Variants in ZNF215 observed in about 807,000 individuals in gnomAD.
ZNF215 encodes the protein BWSCR2-associated zinc finger protein 2.
A neutral mutation model predicts 27.2 loss-of-function variants in ZNF215; 24 were observed. That is an observed-to-expected ratio of 0.88 (90% confidence interval 0.64 to 1.24). ZNF215 has a LOEUF of 1.24. Ranked by LOEUF, ZNF215 falls within the 50% of genes most tolerant of loss-of-function variation. The probability of loss-of-function intolerance (pLI) is 0.00; values close to 1 mark genes in which losing one functional copy is unlikely to be tolerated. For missense variants in ZNF215, 675 were observed against 605.7 expected, an observed-to-expected ratio of 1.11 and a Z score of -1.20; for synonymous variants, 210 against 204.0, an observed-to-expected ratio of 1.03 and a Z score of -0.25.
chr11:6,982,495 A>C (rs1850976199), intron 5 of ZNF215, among the ~76,000 whole-genome samples: 1 of 152,166 alleles, frequency 6.6e-6, no homozygotes. Flanking sequence ...AAAATTGACC[A>C]CATACTTGGA....
chr11:6,941,487 A>C (rs1385552191), intron 3 of ZNF215, 84 bp from the exon 4 acceptor site: 17 of 1,179,528 alleles, frequency 1.4e-5, no homozygotes, highest in Admixed American at 9.6e-5. Flanking sequence ...ATTCCTGTGA[A>C]TATCATATTA....
downstream of ZNF215, among the ~76,000 whole-genome samples, chr11:6,987,219 G>A (rs936506373): frequency 6.6e-5 from 10 of 152,202 alleles, no homozygotes; most frequent in South Asian, 1.5e-3. Context: ...TATGTCTTTC[G>A]CAGCAACATG....
rs1451127623 is a variant in ZNF215, at chr11:6,956,684, A to T, written c.*153A>T. The T allele has an allele frequency of 1.4e-6, 2 of 1,390,196 alleles. No individual in the cohort carries two copies. Among genetic ancestry groups the T allele is most frequent in the Non-Finnish European group, 1.9e-6 (2 of 1,080,642 alleles). The allele number at this position is 1,390,196 out of a possible 1,614,324, so 86.1% of individuals were successfully genotyped here. On this transcript the variant is annotated 3_prime_UTR_variant, in exon 7 of 7. Coordinates refer to ENST00000278319, the MANE Select transcript of ZNF215 (RefSeq NM_013250.4). ...ATCACAGAATTAATGTTGGATAGAA[A>T]TATCATTGGATAGAAATCTGTTTGA...
chr11:6,992,141 G>C (rs949799751), downstream of ZNF215, among the ~76,000 whole-genome samples: 2 of 152,196 alleles, frequency 1.3e-5, no homozygotes, highest in Admixed American at 6.5e-5. Context: ...TATGTGAAGA[G>C]GGAGAAGTCC....
Position 6,951,046 on chromosome 11 carries a change from C to T in ZNF215, c.713-4644C>T, listed in dbSNP as rs543423854. Among the ~76,000 whole-genome samples, 1,327 of 152,014 alleles carry T rather than the reference C, an allele frequency of 8.7e-3. 23 individuals are homozygous for T. The highest frequency in any genetic ancestry group is 0.03 in the African/African-American group (1,235 of 41,440). ...ATGCTGGATTACATTTATTGATTTGCGTATATTGAACCAGCCTTGCATACC... is the reference window on the plus strand; with the variant it reads ...ATGCTGGATTACATTTATTGATTTGTGTATATTGAACCAGCCTTGCATACC... On this transcript the variant is annotated intron_variant, in intron 6 of 6. Transcript: ENST00000278319.
chr11:6,989,233 T>G (rs1365423864), downstream of ZNF215, among the ~76,000 whole-genome samples: 1 of 151,308 alleles, frequency 6.6e-6, no homozygotes, highest in South Asian at 2.1e-4. Context: ...TGGTAAAAAC[T>G]TTTGCACCAA....
At position 6,926,598 on chromosome 11, in the gene ZNF215, G is replaced by A. The variant is rs1849049316; in HGVS notation, c.-413G>A. 1 of 152,216 alleles carries A rather than the reference G, an allele frequency of 6.6e-6. No homozygotes were observed. Among genetic ancestry groups the A allele is most frequent in the South Asian group, 2.1e-4 (1 of 4,828 alleles). The allele number at this position is 152,216 out of a possible 1,614,324, so 9.4% of individuals were successfully genotyped here. On this transcript the variant is annotated 5_prime_UTR_variant, in exon 1 of 7. Transcript: ENST00000278319. ...TGAGTTGAGGGTTCGGCGAGGTCAGGGATTCCTAGTTGCAGCGTGATTACC... is the reference window on the plus strand; with the variant it reads ...TGAGTTGAGGGTTCGGCGAGGTCAGAGATTCCTAGTTGCAGCGTGATTACC...
At chr11:6,939,265 C>G (rs1374240707) in intron 3 of ZNF215, among the ~76,000 whole-genome samples, 5 of 152,058 alleles carry the variant, frequency 3.3e-5, no homozygotes, top group African/African-American at 9.7e-5. Flanking sequence ...AAAAGACTGT[C>G]AGGATTTGGG....
intron 6 of ZNF215, among the ~76,000 whole-genome samples, chr11:6,949,928 T>A (rs1440710048): frequency 1.3e-5 from 2 of 152,126 alleles, no homozygotes; most frequent in African/African-American, 4.8e-5. Context: ...AAGGAAGGGA[T>A]CCAGTTTCAG....
rs2307014 is a variant in ZNF215, at chr11:6,927,798, A to C, written c.-189A>C. On this transcript the variant is annotated 5_prime_UTR_variant, in exon 2 of 7. Transcript: ENST00000278319. ...CGTCTCTCCCTGTCCTAGCTCTGTA[A>C]CTGTTTACAGTGAGTAATTCATTAA... 0.39 allele frequency: 59,035 copies of C among 152,044 alleles called. 11,632 individuals carry two copies. The highest frequency in any genetic ancestry group is 0.48 in the South Asian group (2,323 of 4,826). The allele number at this position is 152,044 out of a possible 1,614,324, so 9.4% of individuals were successfully genotyped here.
chr11:6,933,680 A>T (rs992540314), intron 3 of ZNF215, among the ~76,000 whole-genome samples: 5 of 151,860 alleles, frequency 3.3e-5, no homozygotes, highest in Non-Finnish European at 4.4e-5. Flanking sequence ...CTGTAGTCCC[A>T]GCTACTAGGG....
intron 5 of ZNF215, among the ~76,000 whole-genome samples, chr11:6,973,386 A>G (rs1392629385): frequency 6.6e-6 from 1 of 152,148 alleles, no homozygotes; most frequent in Non-Finnish European, 1.5e-5. Context: ...TAGCAGCATG[A>G]TTTATAATCC....
At chr11:6,994,291 T>C (rs1590094872) in intron 6 of ZNF215, among the ~76,000 whole-genome samples, 2 of 152,166 alleles carry the variant, frequency 1.3e-5, no homozygotes, top group South Asian at 4.1e-4. Context: ...AAGAAGCTCA[T>C]AGGAATCTTA....
chr11:6,994,247 T>C (rs1851152987), intron 6 of ZNF215, among the ~76,000 whole-genome samples: 2 of 151,532 alleles, frequency 1.3e-5, no homozygotes, highest in Non-Finnish European at 2.9e-5. Flanking sequence ...TAAAGGCAAA[T>C]TATGTATTGA....
At position 6,926,899 on chromosome 11, in the gene ZNF215, C is replaced by CGGGA; in HGVS notation, c.-326+219_-326+222dup. The CGGGA allele has an allele frequency of 1.7e-5, 2 of 120,748 alleles. 1 individual carries two copies. Among genetic ancestry groups the CGGGA allele is most frequent in the South Asian group, 5.7e-4 (2 of 3,484 alleles). 7.5% of individuals were successfully genotyped at this position (120,748 alleles called of 1,614,324 possible). On this transcript the variant is annotated intron_variant, in intron 1 of 6. Coordinates refer to ENST00000278319, the MANE Select transcript of ZNF215 (RefSeq NM_013250.4). Reference sequence around the variant, plus strand: ...AAACCTGGAGGAGGGCGCGAGCTGACGGGAGGGATGGAAACGTGGGCTGCG... The same window carrying CGGGA: ...AAACCTGGAGGAGGGCGCGAGCTGACGGGAGGGAGGGATGGAAACGTGGGCTGCG...
At chr11:6,942,575 C>T (rs1238408362) in intron 4 of ZNF215, among the ~76,000 whole-genome samples, 5 of 152,074 alleles carry the variant, frequency 3.3e-5, no homozygotes, top group Non-Finnish European at 5.9e-5. Context: ...GGCAGTCAGG[C>T]AATCTTGCCC....
Position 6,943,066 on chromosome 11 carries a change from G to T in ZNF215, c.484-17G>T. On this transcript the variant is annotated splice_polypyrimidine_tract_variant and intron_variant, in intron 4 of 6. Transcript: ENST00000278319. Reference sequence around the variant, plus strand: ...GGGGAGTGACACCTTTGATTAAAAAGGAACTTAATGTTTTAGGAACCAGTG... The same window carrying T: ...GGGGAGTGACACCTTTGATTAAAAATGAACTTAATGTTTTAGGAACCAGTG... The T allele has an allele frequency of 6.2e-7, 1 of 1,605,996 alleles. No homozygotes were observed. The highest frequency in any genetic ancestry group is 8.5e-7 in the Non-Finnish European group (1 of 1,177,278).
intron 3 of ZNF215, among the ~76,000 whole-genome samples, chr11:6,940,419 G>A (rs544267270): frequency 3.2e-4 from 48 of 152,136 alleles, no homozygotes; most frequent in African/African-American, 8.4e-4. Context: ...ATCCTCCTGC[G>A]TCAGCCTCCC....
intron 5 of ZNF215, among the ~76,000 whole-genome samples, chr11:6,973,410 C>G (rs986923833): frequency 1.3e-5 from 2 of 152,002 alleles, no homozygotes; most frequent in African/African-American, 4.8e-5. Context: ...GGGTATATAC[C>G]CAGTAATGGG....
Sources: gnomAD v4.1 joint callset for allele counts (sites outside exome capture counted in the v4.1 genomes callset) on GRCh38, gnomAD v4.1.1 for gene constraint, MANE v1.5 for transcripts, NCBI Gene and HGNC (gene_info 2026-07-23, HGNC 2026-07-21) for gene names.